Variants in KCNQ5 observed in about 807,000 individuals in gnomAD.
KCNQ5 encodes potassium voltage-gated channel subfamily KQT member 5.
Under a neutral mutation model 98.2 loss-of-function variants are expected in KCNQ5, and 30 were observed. That is an observed-to-expected ratio of 0.31 (90% CI 0.23 to 0.41). KCNQ5 has a LOEUF of 0.41. Ranked by LOEUF, KCNQ5 falls within the 10% of genes least tolerant of loss-of-function variation. The pLI is 1.00. For synonymous variants in KCNQ5, 458 were observed against 449.4 expected, an observed-to-expected ratio of 1.02 and a Z score of -0.24; for missense variants, 835 against 1,182.5, an observed-to-expected ratio of 0.71 and a Z score of 4.31.
intron 1 of KCNQ5, among the ~76,000 whole-genome samples, chr6:72,983,276 G>A (rs560627838): frequency 1.3e-5 from 2 of 152,274 alleles, no homozygotes; most frequent in African/African-American, 4.8e-5. Context: ...TTTCCAACTT[G>A]GTTCCATTCG....
intron 7 of KCNQ5, among the ~76,000 whole-genome samples, chr6:73,116,109 C>A (rs1582386733): frequency 1.3e-5 from 2 of 151,842 alleles, no homozygotes; most frequent in African/African-American, 2.4e-5. Flanking sequence ...ATTATAACTC[C>A]AAAAAAACCA....
chr6:72,835,292 G>A (rs1213499077), intron 1 of KCNQ5, among the ~76,000 whole-genome samples: 1 of 152,032 alleles, frequency 6.6e-6, no homozygotes, highest in Non-Finnish European at 1.5e-5. Flanking sequence ...TAATACCCAA[G>A]AAGAAACCTA....
chr6:72,634,651 C>T (rs2098922929), intron 1 of KCNQ5, among the ~76,000 whole-genome samples: 2 of 152,126 alleles, frequency 1.3e-5, no homozygotes, highest in South Asian at 4.1e-4. Context: ...CTGCAACCTC[C>T]ACCTCCCAGG....
chr6:73,195,581 G>C lies in KCNQ5; in HGVS notation c.*167G>C. On this transcript the variant is annotated 3_prime_UTR_variant, in exon 14 of 14. Coordinates refer to ENST00000370398, the MANE Select transcript of KCNQ5 (RefSeq NM_019842.4). ...AATTGCATGAAAATGCATGTTTAGG[G>C]ATGGCTAAAATTCCAAGGTGCATCG... 2.3e-6 allele frequency: 2 copies of C among 872,902 alleles called. No homozygotes were observed. Among genetic ancestry groups the C allele is most frequent in the East Asian group, 5.3e-5 (2 of 37,556 alleles). The allele number at this position is 872,902 out of a possible 1,614,324, so 54.1% of individuals were successfully genotyped here.
intron 10 of KCNQ5, among the ~76,000 whole-genome samples, chr6:73,147,802 G>C (rs1418638495): frequency 6.6e-6 from 1 of 152,094 alleles, no homozygotes; most frequent in African/African-American, 2.4e-5. Flanking sequence ...ACACAAATGA[G>C]AGGCATCACA....
chr6:72,889,593 T>C (rs1379975348), intron 1 of KCNQ5, among the ~76,000 whole-genome samples: 1 of 152,164 alleles, frequency 6.6e-6, no homozygotes, highest in African/African-American at 2.4e-5. Flanking sequence ...TGCTAGAAAC[T>C]ATAGTTTTAT....
At chr6:72,915,624 T>G (rs1294079289) in intron 1 of KCNQ5, among the ~76,000 whole-genome samples, 2 of 152,144 alleles carry the variant, frequency 1.3e-5, no homozygotes, top group South Asian at 2.1e-4. Context: ...TGCTAAGAAC[T>G]TAAAGATTTA....
intron 1 of KCNQ5, among the ~76,000 whole-genome samples, chr6:72,761,344 A>C (rs1336269338): frequency 6.6e-6 from 1 of 152,076 alleles, no homozygotes; most frequent in Non-Finnish European, 1.5e-5. Flanking sequence ...ATAGAATTCT[A>C]AAGGTATTTT....
intron 1 of KCNQ5, among the ~76,000 whole-genome samples, chr6:72,930,305 G>T (rs1765631642): frequency 1.3e-5 from 2 of 152,068 alleles, no homozygotes; most frequent in Admixed American, 1.3e-4. Flanking sequence ...AAGTTCATCT[G>T]AAAGGAGCAA....
chr6:72,971,459 C>G (rs946435859), intron 1 of KCNQ5, among the ~76,000 whole-genome samples: 5 of 152,152 alleles, frequency 3.3e-5, no homozygotes, highest in Admixed American at 6.5e-5. Context: ...GGATCTAGAA[C>G]TAGAAATACC....
intron 1 of KCNQ5, among the ~76,000 whole-genome samples, chr6:72,864,964 G>T (rs907155428): frequency 6.6e-6 from 1 of 152,188 alleles, no homozygotes; most frequent in Non-Finnish European, 1.5e-5. Context: ...GTCAATATTT[G>T]TACATTGCTT....
chr6:72,746,382 A>T (rs1771409257), intron 1 of KCNQ5, among the ~76,000 whole-genome samples: 1 of 151,954 alleles, frequency 6.6e-6, no homozygotes, highest in Non-Finnish European at 1.5e-5. Flanking sequence ...CTTTCTCATG[A>T]TTTTCTCCGT....
At chr6:72,919,646 C>T (rs1780304461) in intron 1 of KCNQ5, among the ~76,000 whole-genome samples, 1 of 151,872 alleles carries the variant, frequency 6.6e-6, no homozygotes. Flanking sequence ...GCTGAGCTCC[C>T]TTTCTGAAAA....
chr6:73,164,167 T>A (rs73753004), intron 10 of KCNQ5, among the ~76,000 whole-genome samples: 30 of 152,332 alleles, frequency 2.0e-4, no homozygotes, highest in African/African-American at 7.0e-4. Context: ...ATCATTTTCA[T>A]TATATGTGAT....
chr6:73,055,132 C>T (rs750184805), intron 3 of KCNQ5: 295 of 763,050 alleles, frequency 3.9e-4, no homozygotes, highest in Non-Finnish European at 6.1e-4. Context: ...TCCAGCACAG[C>T]GAGAGTGAGT....
intron 1 of KCNQ5, among the ~76,000 whole-genome samples, chr6:72,763,019 C>T (rs1444942023): frequency 1.3e-5 from 2 of 151,866 alleles, no homozygotes; most frequent in African/African-American, 4.8e-5. Flanking sequence ...TATCCAGAAT[C>T]GGATGTTTTC....
intron 1 of KCNQ5, among the ~76,000 whole-genome samples, chr6:72,747,673 C>A (rs1055671817): frequency 3.3e-5 from 5 of 152,092 alleles, no homozygotes; most frequent in Admixed American, 2.6e-4. Context: ...AGCATACATT[C>A]CTGTCCTCAA....
rs578080335 is a variant in KCNQ5 at position 72,643,602 on chromosome 6, A to G, written c.398+21015A>G. 2.6e-5 allele frequency among the ~76,000 whole-genome samples: 4 copies of G among 152,250 alleles called. No homozygotes were observed. In the East Asian group the frequency reaches 7.7e-4, roughly 29 times the overall value. On this transcript the variant is annotated intron_variant, in intron 1 of 13. Transcript: ENST00000370398. ...GAGCATTTCAGATTTTGGATTTTGG[A>G]TTAGGGATGCTCAAACAGTAAGTGT...
chr6:72,623,508 A>G (rs1259670104), intron 1 of KCNQ5, among the ~76,000 whole-genome samples: 2 of 152,016 alleles, frequency 1.3e-5, no homozygotes, highest in Non-Finnish European at 2.9e-5. Context: ...TTAGGCATTT[A>G]AAACCTTTCA....
Sources: gnomAD v4.1 joint callset for allele counts (sites outside exome capture counted in the v4.1 genomes callset) on GRCh38, gnomAD v4.1.1 for gene constraint, MANE v1.5 for transcripts, NCBI Gene and HGNC (gene_info 2026-07-23, HGNC 2026-07-21) for gene names.